STX8: variants seen among roughly 807,000 people sequenced by gnomAD.
STX8 encodes the protein syntaxin-8.
A neutral mutation model predicts 37.5 loss-of-function variants in STX8; 23 were observed. The observed-to-expected ratio is 0.61, with a 90% CI of 0.44 to 0.87. The LOEUF (loss-of-function observed/expected upper bound fraction) is 0.87, where lower values mean the gene tolerates loss of function less well. Among genes scored for constraint, STX8 ranks in the 40% least tolerant of loss-of-function variants. The pLI is 0.00. For missense variants in STX8, 313 were observed against 284.7 expected, an observed-to-expected ratio of 1.10 and a Z score of -0.71; for synonymous variants, 115 against 99.1, an observed-to-expected ratio of 1.16 and a Z score of -0.95.
intron 7 of STX8, among the ~76,000 whole-genome samples, chr17:9,307,406 C>CT (rs1909038560): frequency 6.6e-6 from 1 of 152,196 alleles, no homozygotes; most frequent in Non-Finnish European, 1.5e-5. Context: ...TTCGGTCTTC[C>CT]TCTCGGGTCA....
intron 6 of STX8, among the ~76,000 whole-genome samples, chr17:9,393,110 GA>G (rs1296240483): frequency 6.6e-6 from 1 of 152,052 alleles, no homozygotes; most frequent in Middle Eastern, 3.2e-3. Flanking sequence ...CACAACCAAA[GA>G]AAAACAACAC....
intron 6 of STX8, among the ~76,000 whole-genome samples, chr17:9,399,987 T>C (rs939317988): frequency 1.3e-5 from 2 of 152,128 alleles, no homozygotes; most frequent in African/African-American, 4.8e-5. Context: ...CATGGTAGCT[T>C]ATTAGGCCAA....
intron 5 of STX8, among the ~76,000 whole-genome samples, chr17:9,495,830 G>A (rs1416792084): frequency 6.6e-6 from 1 of 152,208 alleles, no homozygotes; most frequent in Non-Finnish European, 1.5e-5. Flanking sequence ...TAAGGGGAAG[G>A]TGGTATGGCT....
At chr17:9,457,976 T>C (rs1051933504) in intron 6 of STX8, among the ~76,000 whole-genome samples, 2 of 152,200 alleles carry the variant, frequency 1.3e-5, no homozygotes, top group Non-Finnish European at 2.9e-5. Context: ...CACTATAATG[T>C]AGCAAATACC....
chr17:9,262,380 G>C (rs1907069736), intron 7 of STX8, among the ~76,000 whole-genome samples: 1 of 152,128 alleles, frequency 6.6e-6, no homozygotes, highest in Non-Finnish European at 1.5e-5. Flanking sequence ...TTGGGGTTCA[G>C]TCACAGTAAT....
intron 6 of STX8, among the ~76,000 whole-genome samples, chr17:9,408,715 CA>C (rs1426767158): frequency 6.6e-6 from 1 of 152,056 alleles, no homozygotes; most frequent in African/African-American, 2.4e-5. Flanking sequence ...AACACAGCTA[CA>C]AAAAGATGGA....
At chr17:9,357,073 T>C (rs1281862513) in intron 7 of STX8, among the ~76,000 whole-genome samples, 2 of 147,412 alleles carry the variant, frequency 1.4e-5, no homozygotes, top group African/African-American at 2.5e-5. Context: ...GTTCAAGCAA[T>C]TCTCCTGCCT....
intron 6 of STX8, among the ~76,000 whole-genome samples, chr17:9,450,381 T>C (rs985301548): frequency 2.0e-5 from 3 of 151,868 alleles, no homozygotes; most frequent in Non-Finnish European, 2.9e-5. Context: ...TGACCTTACA[T>C]GTAAATTTAA....
At chr17:9,368,919 A>ACC (rs796411355) in intron 7 of STX8, among the ~76,000 whole-genome samples, 5 of 114,526 alleles carry the variant, frequency 4.4e-5, no homozygotes, top group African/African-American at 2.0e-4. Flanking sequence ...TCTACCTTTT[A>ACC]CCCTTTTTTT....
chr17:9,351,107 T>C (rs931247568), intron 7 of STX8, among the ~76,000 whole-genome samples: 2 of 151,724 alleles, frequency 1.3e-5, no homozygotes, highest in African/African-American at 2.4e-5. Context: ...CAATGTTAAA[T>C]GGTGAATAAT....
intron 6 of STX8, among the ~76,000 whole-genome samples, chr17:9,459,631 T>A (rs1191609800): frequency 6.6e-6 from 1 of 152,170 alleles, no homozygotes; most frequent in Non-Finnish European, 1.5e-5. Flanking sequence ...TTCTCCTGCT[T>A]TAACCTCCCG....
chr17:9,402,122 A>T (rs536092338), intron 6 of STX8, among the ~76,000 whole-genome samples: 182 of 147,138 alleles, frequency 1.2e-3, no homozygotes, highest in African/African-American at 4.2e-3. Flanking sequence ...TTATTTATTT[A>T]TTATTATTTG....
chr17:9,391,095 G>A (rs957535853), intron 6 of STX8, among the ~76,000 whole-genome samples: 4 of 151,966 alleles, frequency 2.6e-5, no homozygotes, highest in African/African-American at 9.7e-5. Flanking sequence ...AGAATATTAG[G>A]AGATAGATTA....
At position 9,278,610 on chromosome 17, in the gene STX8, G is replaced by A. The variant is rs147763568; in HGVS notation, c.644-27965C>T. Among the ~76,000 whole-genome samples, 682 of 152,278 alleles carry A rather than the reference G, an allele frequency of 4.5e-3. 4 individuals are homozygous for A. The highest frequency in any genetic ancestry group is 5.4e-3 in the Non-Finnish European group (368 of 68,022). On this transcript the variant is annotated intron_variant, in intron 7 of 7. Transcript: ENST00000306357. The stretch of plus-strand genomic sequence containing the variant: ...TTGAGACAGAAAACTAGGGGTAGGT[G>A]GCGTTCTGGATATGCTGCAGAGGGA...
At chr17:9,339,641 G>A (rs1163070312) in intron 7 of STX8, among the ~76,000 whole-genome samples, 4 of 151,904 alleles carry the variant, frequency 2.6e-5, no homozygotes, top group Admixed American at 1.3e-4. Context: ...CAGCCTGGGC[G>A]ACAGAGTGAG....
intron 6 of STX8, among the ~76,000 whole-genome samples, chr17:9,446,162 C>T (rs879565082): frequency 6.6e-6 from 1 of 152,126 alleles, no homozygotes; most frequent in Admixed American, 6.5e-5. Flanking sequence ...TAAACAAAGA[C>T]ATTTAGCACA....
Position 9,498,332 on chromosome 17 carries a change from T to C in STX8, c.449-6411A>G, listed in dbSNP as rs12601610. Among the ~76,000 whole-genome samples, 4 of 151,252 alleles carry C rather than the reference T, an allele frequency of 2.6e-5. No individual in the cohort carries two copies. In the South Asian group the frequency reaches 8.4e-4, roughly 32 times the overall value. ...TTGAACCCAGGAGATGGAGGTTGTA[T>C]TGAGTTGAGATCGCACCACTGCACT... is the stretch of plus-strand genomic sequence containing the variant. On this transcript the variant is annotated intron_variant, in intron 5 of 7. Coordinates refer to ENST00000306357, the MANE Select transcript of STX8 (RefSeq NM_004853.3).
chr17:9,405,972 T>A (rs60694085), intron 6 of STX8, among the ~76,000 whole-genome samples: 1 of 152,006 alleles, frequency 6.6e-6, no homozygotes, highest in African/African-American at 2.4e-5. Flanking sequence ...TGTATAGATA[T>A]GCCTTTCTTA....
chr17:9,323,658 AG>A (rs1909650348), intron 7 of STX8, among the ~76,000 whole-genome samples: 1 of 152,192 alleles, frequency 6.6e-6, no homozygotes, highest in Non-Finnish European at 1.5e-5. Flanking sequence ...ATACGCACAC[AG>A]CACTGGAGAA....
Sources: allele counts gnomAD v4.1 joint callset (sites outside exome capture counted in the v4.1 genomes callset), GRCh38; gene constraint gnomAD v4.1.1; transcripts MANE v1.5; gene names NCBI Gene and HGNC (gene_info 2026-07-23, HGNC 2026-07-21).